Variants in POU2AF2 observed in about 807,000 individuals in gnomAD.
POU2AF2 encodes POU class 2 homeobox associating factor 2, also known as POU domain class 2-associating factor 2.
the POU2AF2 span, among the ~76,000 whole-genome samples, chr11:111,254,734 C>G: frequency 6.6e-6 from 1 of 152,164 alleles, no homozygotes; most frequent in African/African-American, 2.4e-5. Context: ...ATATTCTGGA[C>G]TATCTACAAA....
chr11:111,282,996 A>G, the POU2AF2 span, among the ~76,000 whole-genome samples: 1 of 138,634 alleles, frequency 7.2e-6, no homozygotes, highest in Non-Finnish European at 1.6e-5. Context: ...TGCTGGGCTT[A>G]CCTTAAATGA....
chr11:111,261,278 C>A, the POU2AF2 span, among the ~76,000 whole-genome samples: 2 of 141,554 alleles, frequency 1.4e-5, no homozygotes, highest in Non-Finnish European at 3.1e-5. Flanking sequence ...CACACACACA[C>A]ACACACACAC....
the POU2AF2 span, among the ~76,000 whole-genome samples, chr11:111,256,273 A>G: frequency 1.3e-5 from 2 of 152,174 alleles, no homozygotes; most frequent in Non-Finnish European, 2.9e-5. Flanking sequence ...TGGTGCCAGC[A>G]TTTACACCTT....
the POU2AF2 span, among the ~76,000 whole-genome samples, chr11:111,280,057 A>AAGTATATATATATAT: frequency 1.3e-5 from 1 of 76,498 alleles, no homozygotes; most frequent in Non-Finnish European, 2.5e-5. Flanking sequence ...AAAAAAAAAA[A>AAGTATATATATATAT]ATATATATAT....
chr11:111,266,565 G>T, the POU2AF2 span, among the ~76,000 whole-genome samples: 2 of 152,180 alleles, frequency 1.3e-5, no homozygotes, highest in Admixed American at 6.5e-5. Flanking sequence ...TCAAAGATGA[G>T]CATGGGGGTA....
the POU2AF2 span, among the ~76,000 whole-genome samples, chr11:111,246,043 T>C: frequency 1.3e-5 from 2 of 152,240 alleles, no homozygotes; most frequent in African/African-American, 4.8e-5. Context: ...GGTAACATTT[T>C]CCTAATTCTA....
the POU2AF2 span, among the ~76,000 whole-genome samples, chr11:111,248,907 G>A: frequency 1.3e-5 from 2 of 152,174 alleles, no homozygotes; most frequent in South Asian, 2.1e-4. Context: ...TAGAGAAAAC[G>A]TTTAATTTTG....
At chr11:111,249,993 C>T in the POU2AF2 span, among the ~76,000 whole-genome samples, 1 of 152,154 alleles carries the variant, frequency 6.6e-6, no homozygotes, top group East Asian at 1.9e-4. Context: ...AAAGATGCTT[C>T]TTAGATGTAC....
At chr11:111,251,305 C>A in the POU2AF2 span, among the ~76,000 whole-genome samples, 1 of 152,128 alleles carries the variant, frequency 6.6e-6, no homozygotes, top group Non-Finnish European at 1.5e-5. Context: ...GACTCTACAG[C>A]TTCAGGACTC....
chr11:111,281,452 A>T, the POU2AF2 span: 1 of 1,613,130 alleles, frequency 6.2e-7, no homozygotes, highest in Non-Finnish European at 8.5e-7. Flanking sequence ...TGAGTACTTT[A>T]ATTCAATAAG....
At chr11:111,268,241 G>A in the POU2AF2 span, among the ~76,000 whole-genome samples, 4 of 152,128 alleles carry the variant, frequency 2.6e-5, no homozygotes, top group East Asian at 1.9e-4. Context: ...GAGGCATCCC[G>A]AGCTCTGCAG....
the POU2AF2 span, among the ~76,000 whole-genome samples, chr11:111,267,324 G>A: frequency 1.3e-5 from 2 of 152,116 alleles, no homozygotes; most frequent in Admixed American, 6.6e-5. Context: ...TGGCCTCGTA[G>A]GGCTCTATGT....
chr11:111,265,659 T>G, the POU2AF2 span, among the ~76,000 whole-genome samples: 1 of 152,180 alleles, frequency 6.6e-6, no homozygotes, highest in Admixed American at 6.5e-5. Flanking sequence ...TTACAATATC[T>G]GGTACATAGC....
chr11:111,277,059 CA>C, the POU2AF2 span, among the ~76,000 whole-genome samples: 1 of 151,962 alleles, frequency 6.6e-6, no homozygotes, highest in Non-Finnish European at 1.5e-5. Flanking sequence ...AGCTTAATAA[CA>C]AAAAACAAGC....
At chr11:111,281,170 C>T in the POU2AF2 span, among the ~76,000 whole-genome samples, 1 of 152,216 alleles carries the variant, frequency 6.6e-6, no homozygotes, top group African/African-American at 2.4e-5. Flanking sequence ...CCAGCCAGTG[C>T]TTTCTGGCAT....
chr11:111,270,629 G>T, the POU2AF2 span, among the ~76,000 whole-genome samples: 4 of 152,144 alleles, frequency 2.6e-5, no homozygotes, highest in African/African-American at 9.7e-5. Flanking sequence ...CATATAAAAA[G>T]TAGGGTTTTT....
the POU2AF2 span, among the ~76,000 whole-genome samples, chr11:111,263,099 T>C: frequency 6.6e-6 from 1 of 152,238 alleles, no homozygotes; most frequent in Non-Finnish European, 1.5e-5. Flanking sequence ...CTTTATTAAC[T>C]ATAGCCCTCA....
the POU2AF2 span, among the ~76,000 whole-genome samples, chr11:111,279,725 G>A: frequency 2.0e-5 from 3 of 151,884 alleles, no homozygotes; most frequent in Admixed American, 1.3e-4. Context: ...AGCAAATACC[G>A]TCACATTCAC....
At chr11:111,268,682 C>T in the POU2AF2 span, among the ~76,000 whole-genome samples, 6 of 151,764 alleles carry the variant, frequency 4.0e-5, no homozygotes, top group East Asian at 1.9e-4. Context: ...TACAGGCACA[C>T]GCCACCATGC....
Sources: allele counts gnomAD v4.1 joint callset (sites outside exome capture counted in the v4.1 genomes callset), GRCh38; gene constraint gnomAD v4.1.1; transcripts MANE v1.5; gene names NCBI Gene and HGNC (gene_info 2026-07-23, HGNC 2026-07-21).